Variants in LAMA2 observed in about 807,000 individuals in gnomAD.
LAMA2 encodes laminin subunit alpha 2, also known as laminin subunit alpha-2.
LAMA2 carries 269 observed loss-of-function variants against 364.8 expected under a neutral mutation model. That is an observed-to-expected ratio of 0.74 (90% CI 0.67 to 0.82). LAMA2 has a LOEUF of 0.82. LAMA2 is among the 40% of genes least tolerant of loss of function. The probability of loss-of-function intolerance (pLI) is 0.00; values close to 1 mark genes in which losing one functional copy is unlikely to be tolerated. For missense variants in LAMA2, 3,807 were observed against 3,873.2 expected, an observed-to-expected ratio of 0.98 and a Z score of 0.45; for synonymous variants, 1,379 against 1,370.6, an observed-to-expected ratio of 1.01 and a Z score of -0.14.
At position 128,893,135 on chromosome 6, in the gene LAMA2, C is replaced by G. The variant is rs563594456; in HGVS notation, c.112+9778C>G. ...CCTCTAGCTCTTCCTAAAGAGATTA[C>G]CTTAAACATGGATAAGTCACTTAAC... is the stretch of plus-strand genomic sequence containing the variant. On this transcript the variant is annotated intron_variant, in intron 1 of 64. Transcript: ENST00000421865. Among the ~76,000 whole-genome samples the G allele has an allele frequency of 6.6e-5, 10 of 151,838 alleles. 1 individual carries two copies. The highest frequency in any genetic ancestry group is 4.6e-4 in the Admixed American group (7 of 15,240).
At chr6:129,227,119 G>A (rs898819692) in intron 12 of LAMA2, among the ~76,000 whole-genome samples, 21 of 151,984 alleles carry the variant, frequency 1.4e-4, no homozygotes, top group Non-Finnish European at 1.5e-4. Flanking sequence ...CCAGTTGATC[G>A]AATCAGCTCC....
At chr6:129,414,592 T>C (rs1056024585) in intron 40 of LAMA2, among the ~76,000 whole-genome samples, 3 of 152,142 alleles carry the variant, frequency 2.0e-5, no homozygotes, top group African/African-American at 4.8e-5. Context: ...TCAGAGGAGA[T>C]AGAAAATCTG....
chr6:128,904,415 T>A (rs1226494468), intron 1 of LAMA2, among the ~76,000 whole-genome samples: 1 of 151,710 alleles, frequency 6.6e-6, no homozygotes, highest in African/African-American at 2.4e-5. Flanking sequence ...TATGTGGAGG[T>A]TGGATTTCCT....
At chr6:129,375,039 A>G (rs1373406526) in intron 34 of LAMA2, among the ~76,000 whole-genome samples, 1 of 151,876 alleles carries the variant, frequency 6.6e-6, no homozygotes, top group Non-Finnish European at 1.5e-5. Context: ...TATATTTTAT[A>G]CTCATTGTTT....
At chr6:129,454,941 T>G (rs187196452) in intron 47 of LAMA2, among the ~76,000 whole-genome samples, 1 of 152,214 alleles carries the variant, frequency 6.6e-6, no homozygotes, top group East Asian at 1.9e-4. Context: ...AAAGGTATGG[T>G]TAAGGGCCTA....
intron 18 of LAMA2, 41 bp from the exon 19 acceptor site, chr6:129,287,806 A>G: frequency 1.4e-6 from 2 of 1,480,388 alleles, no homozygotes; most frequent in Admixed American, 3.3e-5. Flanking sequence ...GCCCCAACTG[A>G]GGTCCCCCCA....
rs1214789619 is a variant in LAMA2, at chr6:128,910,722, A to G, written c.112+27365A>G. 2.6e-5 allele frequency among the ~76,000 whole-genome samples: 4 copies of G among 151,964 alleles called. No individual in the cohort carries two copies. In the East Asian group the frequency reaches 7.7e-4, roughly 29 times the overall value. ...GAGGAGGAGAGGCGCTCTGCTTTTT[A>G]GAGTTTCCAGTTTTTCTGTTCTGTT... On this transcript the variant is annotated intron_variant, in intron 1 of 64. Transcript: ENST00000421865.
intron 1 of LAMA2, among the ~76,000 whole-genome samples, chr6:129,004,436 A>G (rs1035425090): frequency 4.7e-5 from 7 of 147,610 alleles, no homozygotes; most frequent in Non-Finnish European, 1.1e-4. Context: ...AAAAAGAAGT[A>G]TGATGACAAA....
chr6:129,221,136 C>T (rs1421628540), intron 12 of LAMA2, among the ~76,000 whole-genome samples: 2 of 145,552 alleles, frequency 1.4e-5, no homozygotes, highest in African/African-American at 5.0e-5. Flanking sequence ...GCACTCCAGC[C>T]TGGGAGACAG....
intron 1 of LAMA2, among the ~76,000 whole-genome samples, chr6:128,904,907 G>T (rs1043322963): frequency 8.5e-5 from 13 of 152,318 alleles, no homozygotes; most frequent in Admixed American, 8.5e-4. Flanking sequence ...TCTTGTGTAT[G>T]TGTGGGAGAT....
chr6:129,515,404 ATCTT>A (rs1490298542), intron 64 of LAMA2, among the ~76,000 whole-genome samples: 1 of 152,226 alleles, frequency 6.6e-6, no homozygotes, highest in East Asian at 1.9e-4. Context: ...TTTTAAAAAG[ATCTT>A]TTGCTTCAAT....
chr6:128,997,278 TAGAA>T (rs1215841311), intron 1 of LAMA2, among the ~76,000 whole-genome samples: 7 of 131,326 alleles, frequency 5.3e-5, no homozygotes, highest in South Asian at 2.5e-4. Context: ...GAACTTAAAG[TAGAA>T]AGAAAGAAAG....
intron 44 of LAMA2, among the ~76,000 whole-genome samples, chr6:129,444,467 A>G (rs1029784875): frequency 6.6e-6 from 1 of 152,222 alleles, no homozygotes; most frequent in Non-Finnish European, 1.5e-5. Context: ...TATCTGTATG[A>G]TGATATAACA....
chr6:129,417,542 C>T lies in LAMA2; in HGVS notation c.5866-10210C>T, dbSNP rs112408904. On this transcript the variant is annotated intron_variant, in intron 40 of 64. Transcript: ENST00000421865. ...CAGTTTGTGGAACCGACAGTCCAGC[C>T]CCCTTCCTTCAGGCAGTCCCTGGCT... is the stretch of plus-strand genomic sequence containing the variant. Among the ~76,000 whole-genome samples the T allele has an allele frequency of 4.9e-3, 748 of 152,244 alleles. 15 individuals are homozygous for T. Among genetic ancestry groups the T allele is most frequent in the African/African-American group, 0.017 (718 of 41,506 alleles).
At chr6:129,155,624 A>T (rs2114978161) in intron 8 of LAMA2, among the ~76,000 whole-genome samples, 1 of 152,208 alleles carries the variant, frequency 6.6e-6, no homozygotes, top group Admixed American at 6.5e-5. Context: ...AAGTAACCAG[A>T]TTTATATGGT....
chr6:129,160,013 G>T (rs1030775685), intron 8 of LAMA2, among the ~76,000 whole-genome samples: 26 of 151,930 alleles, frequency 1.7e-4, no homozygotes, highest in African/African-American at 6.3e-4. Flanking sequence ...ACTAATGTTT[G>T]GTTAAGAATT....
In LAMA2 at chr6:128,913,694, A is replaced by G. The variant is rs75166542; in HGVS notation, c.112+30337A>G. On this transcript the variant is annotated intron_variant, in intron 1 of 64. Coordinates refer to ENST00000421865, the MANE Select transcript of LAMA2 (RefSeq NM_000426.4). ...TCAAGCAATCAGAGCTAAGCTTTCA[A>G]AGCAGATTAGAGGAAGCTTATTAGC... 3.8e-3 allele frequency among the ~76,000 whole-genome samples: 573 copies of G among 151,282 alleles called. 1 individual carries two copies. The highest frequency in any genetic ancestry group is 5.7e-3 in the Admixed American group (87 of 15,262).
chr6:129,431,324 A>G (rs1436403298), intron 41 of LAMA2, among the ~76,000 whole-genome samples: 2 of 151,028 alleles, frequency 1.3e-5, no homozygotes, highest in Non-Finnish European at 3.0e-5. Context: ...GCTGGAACCC[A>G]GGATACGGAG....
chr6:129,483,758 CATGTA>C (rs1784466418), intron 55 of LAMA2, among the ~76,000 whole-genome samples: 1 of 152,068 alleles, frequency 6.6e-6, no homozygotes, highest in Non-Finnish European at 1.5e-5. Context: ...CATGTTAATT[CATGTA>C]TAACTGTGCA....
Sources: allele counts gnomAD v4.1 joint callset (sites outside exome capture counted in the v4.1 genomes callset), GRCh38; gene constraint gnomAD v4.1.1; transcripts MANE v1.5; gene names NCBI Gene and HGNC (gene_info 2026-07-23, HGNC 2026-07-21).